The following IQUB variants were observed in gnomAD, a reference collection of about 807,000 sequenced individuals.
The protein encoded by IQUB is IQ motif and ubiquitin-like domain-containing protein.
IQUB carries 86 observed loss-of-function variants against 86.4 expected under a neutral mutation model. The observed-to-expected ratio is 1.00, with a 90% CI of 0.84 to 1.19. IQUB has a LOEUF of 1.19. Among genes scored for constraint, IQUB ranks in the 50% most tolerant of loss-of-function variants. The pLI is 0.00. For missense variants in IQUB, 946 were observed against 916.9 expected, an observed-to-expected ratio of 1.03 and a Z score of -0.41; for synonymous variants, 289 against 304.5, an observed-to-expected ratio of 0.95 and a Z score of 0.53.
chr7:123,499,288 T>C (rs1261711380), intron 6 of IQUB, among the ~76,000 whole-genome samples: 1 of 152,006 alleles, frequency 6.6e-6, no homozygotes, highest in Non-Finnish European at 1.5e-5. Context: ...TCTTGTATTT[T>C]TAGTAGAGAC....
intron 1 of IQUB, among the ~76,000 whole-genome samples, chr7:123,527,944 C>T (rs954341768): frequency 6.6e-6 from 1 of 152,262 alleles, no homozygotes; most frequent in Admixed American, 6.5e-5. Context: ...TGATCTCAGA[C>T]TGCTGTGCTA....
Position 123,469,285 on chromosome 7 carries a change from A to C in IQUB, c.1510T>G (p.Cys504Gly), listed in dbSNP as rs145617454. ...TGGGAGATATTTTTCAGCATAATGC[A>C]CTTATAGATATTTTGCAGCTCTCTG... ...RARELQNIYK[C>G]IMLKNISQDE... The change falls in exon 9 of 13, where the codon TGC (cysteine) becomes GGC (glycine). Residue 504 changes from cysteine (C) to glycine (G), a missense_variant. Physicochemically the swap from Cys to Gly is radical, Grantham distance 159. Transcript: ENST00000324698. 30 of 1,608,912 alleles carry C rather than the reference A, an allele frequency of 1.9e-5. No homozygotes were observed. The highest frequency in any genetic ancestry group is 2.4e-5 in the Non-Finnish European group (28 of 1,177,374).
intron 11 of IQUB, among the ~76,000 whole-genome samples, chr7:123,458,569 T>C (rs1367879719): frequency 1.3e-5 from 2 of 152,056 alleles, no homozygotes; most frequent in African/African-American, 4.8e-5. Context: ...TTTATAGACC[T>C]TTAAAATTCA....
intron 12 of IQUB, 134 bp downstream of exon 12, chr7:123,457,247 G>A: frequency 1.4e-6 from 2 of 1,420,430 alleles, no homozygotes; most frequent in Non-Finnish European, 1.8e-6. Flanking sequence ...AAATTTTTTT[G>A]TTGTTAATCC....
chr7:123,460,122 A>G (rs1027077996), intron 11 of IQUB, among the ~76,000 whole-genome samples: 1 of 151,952 alleles, frequency 6.6e-6, no homozygotes, highest in Non-Finnish European at 1.5e-5. Context: ...CTAGTTTTCA[A>G]TCCTGGTGCT....
chr7:123,457,258 A>T, intron 12 of IQUB, 123 bp downstream of exon 12: 1 of 1,437,692 alleles, frequency 7.0e-7, no homozygotes, highest in Non-Finnish European at 9.1e-7. Context: ...TTGTTAATCC[A>T]TAAGTTCTGT....
Position 123,467,356 on chromosome 7 carries a change from G to A in IQUB, c.1581+1858C>T, listed in dbSNP as rs151314040. On this transcript the variant is annotated intron_variant, in intron 9 of 12. Transcript: ENST00000324698. ...CAGCGGCAGGTTGTGGTAGCTGATA[G>A]CTCTCCACTGAGCTTCTCTCCGACA... is the stretch of plus-strand genomic sequence containing the variant. Among the ~76,000 whole-genome samples, 843 of 152,134 alleles carry A rather than the reference G, an allele frequency of 5.5e-3. 3 individuals are homozygous for A. Among genetic ancestry groups the A allele is most frequent in the Admixed American group, 9.4e-3 (143 of 15,282 alleles).
intron 7 of IQUB, among the ~76,000 whole-genome samples, chr7:123,486,105 G>A (rs1795203020): frequency 6.6e-6 from 1 of 152,122 alleles, no homozygotes. Flanking sequence ...TGATTGTGTA[G>A]GTGAAGAAAC....
At chr7:123,463,120 G>A (rs934308302) in intron 10 of IQUB, among the ~76,000 whole-genome samples, 1 of 151,720 alleles carries the variant, frequency 6.6e-6, no homozygotes, top group Non-Finnish European at 1.5e-5. Flanking sequence ...ATCCATAGAT[G>A]TGTCCTAGAT....
At chr7:123,533,665 GAC>G (rs1226212627) in intron 1 of IQUB, among the ~76,000 whole-genome samples, 3 of 152,130 alleles carry the variant, frequency 2.0e-5, no homozygotes, top group Non-Finnish European at 4.4e-5. Context: ...AAAACAACTG[GAC>G]ACACAGTCTT....
chr7:123,507,674 A>T (rs1852172), intron 3 of IQUB, among the ~76,000 whole-genome samples: 41,564 of 151,870 alleles, frequency 0.27, 6,049 homozygotes, highest in East Asian at 0.37. Context: ...GGAGTTTGAG[A>T]CCAGCCTGGC....
intron 7 of IQUB, among the ~76,000 whole-genome samples, chr7:123,485,210 C>T (rs931566002): frequency 2.6e-5 from 4 of 152,188 alleles, no homozygotes; most frequent in African/African-American, 7.2e-5. Context: ...AATATGTCAA[C>T]AGGCTTGGTT....
intron 1 of IQUB, among the ~76,000 whole-genome samples, chr7:123,532,172 C>T (rs1170025718): frequency 1.3e-5 from 2 of 152,138 alleles, no homozygotes; most frequent in East Asian, 3.8e-4. Context: ...TTCGGAGTTA[C>T]AAAGGTGAGT....
Position 123,502,605 on chromosome 7 carries a change from G to C in IQUB, c.1015C>G (p.Leu339Val). ...AATAAAAGTTATCTCACCGCCTTTA[G>C]TCTTTGAGCATGGTATTCTGCTGCT... The part of the protein sequence containing the change: ...FSAAEYHAQR[L>V]KAVIVIQTYY... Residue 339 changes from leucine to valine, a missense_variant, in exon 6 of 13, where the codon CTA (leucine) becomes GTA (valine). By Grantham distance (32) the Leu-to-Val change is conservative. Coordinates refer to ENST00000324698, the MANE Select transcript of IQUB (RefSeq NM_178827.5). 6.2e-7 allele frequency: 1 copy of C among 1,610,350 alleles called. No individual in the cohort carries two copies. Among genetic ancestry groups the C allele is most frequent in the Non-Finnish European group, 8.5e-7 (1 of 1,179,028 alleles).
chr7:123,521,695 C>T (rs997157199), intron 1 of IQUB, among the ~76,000 whole-genome samples: 4 of 133,786 alleles, frequency 3.0e-5, no homozygotes, highest in African/African-American at 1.1e-4. Flanking sequence ...GATCACAGTT[C>T]TCTGTAACCT....
chr7:123,499,175 A>T (rs1348043479), intron 6 of IQUB, among the ~76,000 whole-genome samples: 1 of 151,382 alleles, frequency 6.6e-6, no homozygotes, highest in Non-Finnish European at 1.5e-5. Flanking sequence ...CAGTGGTGTG[A>T]TCTCAGCTCA....
At chr7:123,466,999 T>C (rs1280240297) in intron 9 of IQUB, among the ~76,000 whole-genome samples, 1 of 152,096 alleles carries the variant, frequency 6.6e-6, no homozygotes, top group Admixed American at 6.6e-5. Flanking sequence ...AAGTGTCTTA[T>C]TAACTTGAGA....
intron 1 of IQUB, among the ~76,000 whole-genome samples, chr7:123,531,881 T>C (rs1181134093): frequency 6.6e-6 from 1 of 152,208 alleles, no homozygotes; most frequent in Non-Finnish European, 1.5e-5. Flanking sequence ...CCACTTCCAT[T>C]AGCAAGCTCA....
intron 12 of IQUB, among the ~76,000 whole-genome samples, chr7:123,455,124 GATA>G (rs1793628470): frequency 6.6e-6 from 1 of 151,566 alleles, no homozygotes; most frequent in Non-Finnish European, 1.5e-5. Context: ...TTTTTAAATT[GATA>G]ATAATTGTAC....
Sources: gnomAD v4.1 joint callset for allele counts (sites outside exome capture counted in the v4.1 genomes callset) on GRCh38, gnomAD v4.1.1 for gene constraint, MANE v1.5 for transcripts, NCBI Gene and HGNC (gene_info 2026-07-23, HGNC 2026-07-21) for gene names.